USP42: variants seen among roughly 807,000 people sequenced by gnomAD.
The protein encoded by USP42 is ubiquitin specific peptidase 42, also known as ubiquitin carboxyl-terminal hydrolase 42.
USP42 carries 23 observed loss-of-function variants against 113.0 expected under a neutral mutation model. The observed-to-expected ratio is 0.20, with a 90% CI of 0.15 to 0.29. USP42 has a LOEUF of 0.29. Ranked by LOEUF, USP42 falls within the 10% of genes least tolerant of loss-of-function variation. The pLI, the probability that USP42 is intolerant of heterozygous loss-of-function variation, is 1.00. For missense variants in USP42, 2,174 were observed against 1,779.8 expected (o/e 1.22, Z -3.99); for synonymous variants, 933 against 699.0 (o/e 1.33, Z -5.28).
At position 6,147,739 on chromosome 7, in the gene USP42, G is replaced by A; in HGVS notation, c.1233G>A (p.Arg411=). 1 of 1,575,612 alleles carries A rather than the reference G, an allele frequency of 6.3e-7. No homozygotes were observed. The highest frequency in any genetic ancestry group is 8.7e-7 in the Non-Finnish European group (1 of 1,153,728). The change falls in exon 12 of 18, where the codon AGG becomes AGA. Residue 411 remains arginine (R), a splice_region_variant and synonymous_variant. Coordinates refer to ENST00000306177, the MANE Select transcript of USP42 (RefSeq NM_032172.3). The stretch of plus-strand genomic sequence containing the variant: ...TAAGTATCGCTCTCCTTGTTTCCAG[G>A]TCCCATGATGTGAAAAATGGAGGTG... The part of the protein sequence containing the change: ...SQQAYVLFYI[R]SHDVKNGGEL...
At chr7:6,100,352 G>A (rs546094547), upstream of USP42, among the ~76,000 whole-genome samples, 6 of 149,784 alleles carry the variant, frequency 4.0e-5, no homozygotes, top group South Asian at 4.2e-4. Context: ...TTTTTAATAC[G>A]GAGTTTCGCT....
the USP42 span, among the ~76,000 whole-genome samples, chr7:6,092,379 A>C: frequency 6.7e-6 from 1 of 150,314 alleles, no homozygotes; most frequent in South Asian, 2.1e-4. Context: ...GGGTTTCACC[A>C]TGTTGGCCAG....
In USP42 at chr7:6,159,385, A is replaced by G; in HGVS notation, c.3944-65A>G. ...GACCATAGCCACTTAACGCACACACACAGCAGAGGCCCTGGCGATTTTGCA... is the reference window on the plus strand; with the variant it reads ...GACCATAGCCACTTAACGCACACACGCAGCAGAGGCCCTGGCGATTTTGCA... On this transcript the variant is annotated intron_variant, in intron 16 of 17. Transcript: ENST00000306177. This position sits in a 1 kb window ranked among gnomAD's most constrained non-coding sequence, Gnocchi z 4.1. The G allele has an allele frequency of 7.5e-6, 12 of 1,610,538 alleles. No individual in the cohort carries two copies. The highest frequency in any genetic ancestry group is 1.0e-5 in the Non-Finnish European group (12 of 1,177,684).
rs765128993 is a variant in USP42, at chr7:6,149,875, A to G, written c.1679A>G (p.Asn560Ser). The change falls in exon 13 of 18, where the codon AAT (asparagine) becomes AGT (serine). Residue 560 changes from asparagine to serine, a missense_variant. Physicochemically the swap from Asn to Ser is conservative, Grantham distance 46 (BLOSUM62 1). Transcript: ENST00000306177. ...TKPVPSSTIT[N>S]SAVQSTSNAS... ...CCCGTTCCCTCTTCTACCATTACCA[A>G]TTCTGCAGTACAGTCTACCTCGAAC... 58 of 1,613,920 alleles carry G rather than the reference A, an allele frequency of 3.6e-5. No homozygotes were observed. Among genetic ancestry groups the G allele is most frequent in the South Asian group, 1.1e-4 (10 of 91,086 alleles).
chr7:6,129,749 T>C (rs1780745384), intron 3 of USP42, among the ~76,000 whole-genome samples: 1 of 150,924 alleles, frequency 6.6e-6, no homozygotes, highest in South Asian at 2.1e-4. Flanking sequence ...TAATCCTAGC[T>C]ACTTGGGAGG....
In USP42 at chr7:6,111,324, C is replaced by T. The variant is rs201800019; in HGVS notation, c.191C>T (p.Ser64Leu). 1.2e-5 allele frequency: 20 copies of T among 1,609,968 alleles called. No homozygotes were observed. Among genetic ancestry groups the T allele is most frequent in the East Asian group, 4.5e-5 (2 of 44,810 alleles). ...CCAGTACCTGGTGCTGTAGTTTATTCGAGTTCATCTGTACCTGATAAATCA... is the reference window on the plus strand; with the variant it reads ...CCAGTACCTGGTGCTGTAGTTTATTTGAGTTCATCTGTACCTGATAAATCA... ...LGPVPGAVVY[S>L]SSSVPDKSKP... Residue 64 changes from serine (S) to leucine (L), a missense_variant, in exon 2 of 18, where the codon TCG (serine) becomes TTG (leucine). Physicochemically the swap from Ser to Leu is moderately radical, Grantham distance 145 (BLOSUM62 -2). Transcript: ENST00000306177.
At chr7:6,119,283 G>T (rs1361545519) in intron 3 of USP42, among the ~76,000 whole-genome samples, 1 of 152,052 alleles carries the variant, frequency 6.6e-6, no homozygotes, top group East Asian at 1.9e-4. Flanking sequence ...CTGTAGCCTG[G>T]GCAACATTGT....
chr7:6,155,290 C>A, intron 15 of USP42, 95 bp downstream of exon 15: 1 of 1,437,038 alleles, frequency 7.0e-7, no homozygotes, highest in Non-Finnish European at 9.1e-7. Flanking sequence ...AGTGACCAGC[C>A]AGGCCACAGT....
chr7:6,140,259 G>A (rs1047776177), intron 6 of USP42, 64 bp downstream of exon 6: 3 of 1,450,786 alleles, frequency 2.1e-6, no homozygotes, highest in Non-Finnish European at 2.9e-6. Context: ...GGTAATAGTA[G>A]GACAGGGTTA....
At chr7:6,134,746 A>G (rs1316392729) in intron 3 of USP42, among the ~76,000 whole-genome samples, 3 of 152,160 alleles carry the variant, frequency 2.0e-5, no homozygotes, top group African/African-American at 7.2e-5. Context: ...GTGGCCAGCA[A>G]CGCCAGAGTA....
chr7:6,114,276 A>G (rs932589595), intron 2 of USP42, among the ~76,000 whole-genome samples: 1 of 152,186 alleles, frequency 6.6e-6, no homozygotes, highest in Non-Finnish European at 1.5e-5. Flanking sequence ...ATGAATTAGC[A>G]TCCATGGCAG....
intron 11 of USP42, among the ~76,000 whole-genome samples, chr7:6,147,207 C>T (rs1201043187): frequency 6.6e-6 from 1 of 152,154 alleles, no homozygotes; most frequent in Non-Finnish European, 1.5e-5. Flanking sequence ...GATTTTGTTT[C>T]TAACTTTTTT....
intron 3 of USP42, among the ~76,000 whole-genome samples, chr7:6,120,075 C>T (rs1322568567): frequency 6.6e-6 from 1 of 152,162 alleles, no homozygotes; most frequent in Non-Finnish European, 1.5e-5. Context: ...CGCCATTCTT[C>T]TGCCTCAGCT....
upstream of USP42, among the ~76,000 whole-genome samples, chr7:6,103,775 C>T (rs113997883): frequency 6.3e-3 from 933 of 148,066 alleles, 61 homozygotes; most frequent in African/African-American, 0.023. Context: ...AAAAATTAGT[C>T]GGGTGCAGCG....
In USP42 at chr7:6,114,654, G is replaced by GTA. The variant is rs1562805030; in HGVS notation, c.242-668_242-667insAT. Among the ~76,000 whole-genome samples the GTA allele has an allele frequency of 5.4e-3, 371 of 69,276 alleles. 16 individuals are homozygous for GTA. Among genetic ancestry groups the GTA allele is most frequent in the African/African-American group, 0.03 (356 of 11,934 alleles). The allele number at this position is 69,276 out of a possible 152,430, so 45.4% of individuals were successfully genotyped here. ...TGTGTGTGTATATATGTATGTGTGT[G>GTA]TGTATATATATATATATATATATAT... is the stretch of plus-strand genomic sequence containing the variant. On this transcript the variant is annotated intron_variant, in intron 2 of 17. Transcript: ENST00000306177.
intron 3 of USP42, among the ~76,000 whole-genome samples, chr7:6,129,634 G>A (rs1332296216): frequency 1.3e-5 from 2 of 151,728 alleles, no homozygotes; most frequent in African/African-American, 2.4e-5. Context: ...GCCGAGGCGG[G>A]CGGATTACCT....
Position 6,147,897 on chromosome 7 carries a change from C to G in USP42, c.1386+5C>G, listed in dbSNP as rs754218270. On this transcript the variant is annotated splice_donor_5th_base_variant and intron_variant, in intron 12 of 17. Transcript: ENST00000306177. ...CTTCCCTCTCACATGATAAAGGTAA[C>G]AGTCCTTAGGGAGAAGAACATTTTT... 6 of 1,598,420 alleles carry G rather than the reference C, an allele frequency of 3.8e-6. No homozygotes were observed. In the Admixed American group the frequency reaches 1.0e-4, roughly 27 times the overall value.
At chr7:6,124,178 C>A (rs1780393781) in intron 3 of USP42, among the ~76,000 whole-genome samples, 1 of 151,648 alleles carries the variant, frequency 6.6e-6, no homozygotes, top group South Asian at 2.1e-4. Context: ...GCCCAGCCCA[C>A]TCCAGTTTTC....
intron 3 of USP42, among the ~76,000 whole-genome samples, chr7:6,131,618 G>C (rs1167931798): frequency 5.3e-5 from 8 of 152,152 alleles, no homozygotes. Flanking sequence ...AGTGGGAGCG[G>C]GATTTTGCTG....
Sources: gnomAD v4.1 joint callset for allele counts (sites outside exome capture counted in the v4.1 genomes callset) on GRCh38, gnomAD v4.1.1 for gene constraint, Gnocchi (gnomAD v3.1) non-coding constraint, MANE v1.5 for transcripts, NCBI Gene and HGNC (gene_info 2026-07-23, HGNC 2026-07-21) for gene names.